The following PCM1 variants were observed in gnomAD, a reference collection of about 807,000 sequenced individuals.
PCM1 encodes the protein pericentriolar material 1 protein.
In PCM1, 157 loss-of-function variants were observed where a neutral mutation model predicts 241.9. The observed-to-expected ratio is 0.65, with a 90% CI of 0.57 to 0.74. PCM1 has a LOEUF of 0.74. Among genes scored for constraint, PCM1 ranks in the 30% least tolerant of loss-of-function variants. The pLI, the probability that PCM1 is intolerant of heterozygous loss-of-function variation, is 0.00. For synonymous variants in PCM1, 1,085 were observed against 784.9 expected, an observed-to-expected ratio of 1.38 and a Z score of -6.39; for missense variants, 3,478 against 2,360.1, an observed-to-expected ratio of 1.47 and a Z score of -9.81.
rs773678434 is a variant in PCM1, at chr8:18,009,692, G to C, written c.5108G>C (p.Arg1703Thr). 1.3e-6 allele frequency: 2 copies of C among 1,518,234 alleles called. No individual in the cohort carries two copies. The highest frequency in any genetic ancestry group is 1.4e-5 in the African/African-American group (1 of 71,880). The allele number at this position is 1,518,234 out of a possible 1,614,324, so 94.0% of individuals were successfully genotyped here. A position where few individuals can be genotyped will look rare whatever the true frequency, so the allele number is the denominator to read the frequency against. Residue 1703 changes from arginine (R) to threonine (T), a missense_variant, in exon 31 of 39, where the codon AGA (arginine) becomes ACA (threonine). Coordinates refer to ENST00000325083, the MANE Select transcript of PCM1 (RefSeq NM_006197.4). ...LDNNSITVKQRCKRKIEATGV... is the reference protein window; with the variant it reads ...LDNNSITVKQTCKRKIEATGV... ...AATAATAGTATAACTGTTAAACAGAGATGCAAAAGGAAAATAGAAGCAACT... is the reference window on the plus strand; with the variant it reads ...AATAATAGTATAACTGTTAAACAGACATGCAAAAGGAAAATAGAAGCAACT...
intron 23 of PCM1, among the ~76,000 whole-genome samples, chr8:17,973,106 C>T (rs868529859): frequency 6.6e-6 from 1 of 152,198 alleles, no homozygotes; most frequent in African/African-American, 2.4e-5. Context: ...TTTTGAATAT[C>T]ATATGATAAA....
Position 17,972,520 on chromosome 8 carries a change from A to G in PCM1, c.3776A>G (p.Glu1259Gly). ...RRRQFDEESL[E>G]SFSSMPDPVD... ...CGCCAGTTTGATGAAGAATCACTGG[A>G]AAGCTTTAGCAGTATGCCTGATCCA... The change falls in exon 23 of 39, where the codon GAA (glutamate) becomes GGA (glycine). Residue 1259 changes from glutamate (E) to glycine (G), a missense_variant. Coordinates refer to ENST00000325083, the MANE Select transcript of PCM1 (RefSeq NM_006197.4). The G allele has an allele frequency of 6.2e-7, 1 of 1,613,962 alleles. No individual in the cohort carries two copies. Among genetic ancestry groups the G allele is most frequent in the Non-Finnish European group, 8.5e-7 (1 of 1,179,832 alleles).
At chr8:17,973,690 C>T (rs888140571) in intron 23 of PCM1, among the ~76,000 whole-genome samples, 1 of 151,446 alleles carries the variant, frequency 6.6e-6, no homozygotes, top group African/African-American at 2.4e-5. Flanking sequence ...GTACTCCCAG[C>T]CTGCGTGACA....
chr8:18,024,743 TCTA>T (rs1045700085), intron 36 of PCM1, among the ~76,000 whole-genome samples: 4 of 152,274 alleles, frequency 2.6e-5, no homozygotes, highest in Admixed American at 6.5e-5. Context: ...GATTGGGGGA[TCTA>T]CTATTATATA....
In PCM1 at chr8:18,027,875, T is replaced by TTC; in HGVS notation, c.*213_*214insTC. The TTC allele has an allele frequency of 5.2e-6, 2 of 381,790 alleles. No individual in the cohort carries two copies. Among genetic ancestry groups the TTC allele is most frequent in the Non-Finnish European group, 9.3e-6 (2 of 214,550 alleles). The allele number at this position is 381,790 out of a possible 1,614,324, so 23.7% of individuals were successfully genotyped here. ...TTGACACACTGTGTTTTTTTTTTTT[T>TTC]CCCCCTTCTTTTTTGGGTCTTCATT... On this transcript the variant is annotated 3_prime_UTR_variant, in exon 39 of 39. Coordinates refer to ENST00000325083, the MANE Select transcript of PCM1 (RefSeq NM_006197.4).
intron 8 of PCM1, among the ~76,000 whole-genome samples, chr8:17,951,655 C>T (rs540747999): frequency 1.1e-3 from 171 of 152,252 alleles, no homozygotes; most frequent in Non-Finnish European, 1.9e-3. Flanking sequence ...AAAAAGTCTA[C>T]ATTTTTAATG....
intron 31 of PCM1, 135 bp from the exon 32 acceptor site, chr8:18,010,474 A>G (rs2129485315): frequency 1.6e-6 from 1 of 611,688 alleles, no homozygotes; most frequent in East Asian, 3.3e-5. Flanking sequence ...ATGATACTAT[A>G]ATAAATGATT....
At chr8:17,979,229 A>C (rs760199969) in intron 23 of PCM1, among the ~76,000 whole-genome samples, 1 of 152,028 alleles carries the variant, frequency 6.6e-6, no homozygotes, top group Non-Finnish European at 1.5e-5. Context: ...TTTCTATCTC[A>C]GTTAGGAACT....
At chr8:17,987,799 A>G (rs1392823227) in intron 26 of PCM1, among the ~76,000 whole-genome samples, 2 of 151,860 alleles carry the variant, frequency 1.3e-5, no homozygotes, top group African/African-American at 2.4e-5. Context: ...TGCATTGTCT[A>G]ATGCTGTAGC....
At chr8:18,015,707 C>G (rs2093099193) in intron 36 of PCM1, 1 of 152,104 alleles carries the variant, frequency 6.6e-6, no homozygotes, top group African/African-American at 2.4e-5. Context: ...TCAGATTTGT[C>G]TTTTACAGTT....
At chr8:18,014,920 A>G (rs1382860004) in intron 36 of PCM1, 80 bp downstream of exon 36, 2 of 1,229,162 alleles carry the variant, frequency 1.6e-6, no homozygotes, top group Non-Finnish European at 2.2e-6. Flanking sequence ...AGCATTCTCC[A>G]CATGTAAACC....
intron 4 of PCM1, among the ~76,000 whole-genome samples, chr8:17,938,511 C>T (rs190905710): frequency 1.3e-5 from 2 of 152,196 alleles, no homozygotes; most frequent in East Asian, 3.9e-4. Context: ...TGTTCATATT[C>T]GTCAGTTGAA....
intron 24 of PCM1, chr8:17,982,687 G>A (rs963795536): frequency 2.6e-5 from 4 of 152,112 alleles, no homozygotes; most frequent in African/African-American, 9.7e-5. Flanking sequence ...GTAGAGACAG[G>A]GTTTCACTGT....
chr8:17,948,294 CTTTTTTTTTTTTTTTTT>C (rs550672840), intron 7 of PCM1, among the ~76,000 whole-genome samples: 20 of 63,950 alleles, frequency 3.1e-4, no homozygotes, highest in African/African-American at 9.5e-4. Context: ...CAAATAACCT[CTTTTTTTTTTTTTTTTT>C]TTTTTTTTTT....
At position 17,986,170 on chromosome 8, in the gene PCM1, A is replaced by AG. The variant is rs139891716; in HGVS notation, c.4410+85dup. 2.5e-3 allele frequency: 2,357 copies of AG among 953,960 alleles called. 33 individuals carry two copies. In the African/African-American group the frequency reaches 0.033, roughly 13 times the overall value. 59.1% of individuals were successfully genotyped at this position (953,960 alleles called of 1,614,324 possible). On this transcript the variant is annotated intron_variant, in intron 26 of 38. Coordinates refer to ENST00000325083, the MANE Select transcript of PCM1 (RefSeq NM_006197.4). ...GTTAAATAGATTATTGTCAAATTGTAGGTAGACCTAATATATTTGATTTTC... is the reference window on the plus strand; with the variant it reads ...GTTAAATAGATTATTGTCAAATTGTAGGGTAGACCTAATATATTTGATTTTC...
At position 18,026,165 on chromosome 8, in the gene PCM1, G is replaced by GAAAAAAA. The variant is rs1588876179; in HGVS notation, c.6049+510_6049+511insAAAAAAA. On this transcript the variant is annotated intron_variant, in intron 38 of 38. Transcript: ENST00000325083. ...GGTGAAAGAGCGAGACTCCCTCTCT[G>GAAAAAAA]AAACAAAAAAAAAAAAAAAAAAAAA... 2.8e-3 allele frequency among the ~76,000 whole-genome samples: 10 copies of GAAAAAAA among 3,572 alleles called. 5 individuals are homozygous for GAAAAAAA. Among genetic ancestry groups the GAAAAAAA allele is most frequent in the East Asian group, 0.015 (2 of 136 alleles). 2.3% of individuals were successfully genotyped at this position (3,572 alleles called of 152,430 possible).
At chr8:18,004,009 A>G (rs190076709) in intron 29 of PCM1, among the ~76,000 whole-genome samples, 3 of 152,126 alleles carry the variant, frequency 2.0e-5, no homozygotes, top group East Asian at 1.9e-4. Flanking sequence ...GTATGCTTGT[A>G]GTAATATTTA....
At chr8:18,009,388 C>T (rs886998347) in intron 30 of PCM1, among the ~76,000 whole-genome samples, 159 bp from the exon 31 acceptor site, 1 of 152,148 alleles carries the variant, frequency 6.6e-6, no homozygotes, top group Non-Finnish European at 1.5e-5. Flanking sequence ...AGCAACATTC[C>T]CACTTAGTAA....
intron 21 of PCM1, among the ~76,000 whole-genome samples, chr8:17,968,710 G>GTA (rs918136407): frequency 2.1e-5 from 3 of 146,142 alleles, no homozygotes; most frequent in Admixed American, 6.9e-5. Context: ...CCAGCAATGT[G>GTA]TATATATATG....
Sources: gnomAD v4.1 joint callset for allele counts (sites outside exome capture counted in the v4.1 genomes callset) on GRCh38, gnomAD v4.1.1 for gene constraint, MANE v1.5 for transcripts, NCBI Gene and HGNC (gene_info 2026-07-23, HGNC 2026-07-21) for gene names.